CNTNAP2: variants seen among roughly 807,000 people sequenced by gnomAD.
CNTNAP2 encodes the protein contactin-associated protein-like 2.
CNTNAP2 carries 98 observed loss-of-function variants against 155.2 expected under a neutral mutation model. That is an observed-to-expected ratio of 0.63 (90% CI 0.54 to 0.75). The LOEUF is 0.75. CNTNAP2 is among the 30% of genes least tolerant of loss of function. The pLI is 0.00. For synonymous variants in CNTNAP2, 651 were observed against 631.2 expected, an observed-to-expected ratio of 1.03 and a Z score of -0.47; for missense variants, 1,727 against 1,688.1, an observed-to-expected ratio of 1.02 and a Z score of -0.40.
intron 15 of CNTNAP2, among the ~76,000 whole-genome samples, chr7:148,034,069 T>C (rs957412241): frequency 6.6e-6 from 1 of 152,150 alleles, no homozygotes; most frequent in Non-Finnish European, 1.5e-5. Context: ...AAGTGAGCAA[T>C]GCTGACATGC....
At chr7:147,051,937 C>A (rs554842061) in intron 4 of CNTNAP2, among the ~76,000 whole-genome samples, 1 of 152,076 alleles carries the variant, frequency 6.6e-6, no homozygotes, top group Non-Finnish European at 1.5e-5. Context: ...CACTGACTAC[C>A]TCTGTAGTCT....
chr7:148,102,989 A>C (rs934075705), intron 15 of CNTNAP2, among the ~76,000 whole-genome samples: 2 of 152,284 alleles, frequency 1.3e-5, no homozygotes, highest in African/African-American at 4.8e-5. Flanking sequence ...TAAGATATAC[A>C]TTGGTTCTGT....
At chr7:146,809,092 A>G (rs1443299967) in intron 2 of CNTNAP2, among the ~76,000 whole-genome samples, 1 of 152,332 alleles carries the variant, frequency 6.6e-6, no homozygotes, top group Middle Eastern at 3.4e-3. Context: ...CAGAAGTGTG[A>G]CTGCTGGATC....
intron 8 of CNTNAP2, among the ~76,000 whole-genome samples, chr7:147,207,940 A>T (rs1306440190): frequency 1.3e-5 from 2 of 152,158 alleles, no homozygotes; most frequent in Non-Finnish European, 2.9e-5. Context: ...TCTGTACTTC[A>T]TGAAATATCA....
At chr7:147,960,578 C>G (rs1427030444) in intron 14 of CNTNAP2, among the ~76,000 whole-genome samples, 1 of 152,154 alleles carries the variant, frequency 6.6e-6, no homozygotes, top group Admixed American at 6.5e-5. Flanking sequence ...GTGTCCTGTA[C>G]ATTGTAATTG....
At chr7:147,927,630 A>G (rs1040044579) in intron 14 of CNTNAP2, among the ~76,000 whole-genome samples, 1 of 152,230 alleles carries the variant, frequency 6.6e-6, no homozygotes, top group Non-Finnish European at 1.5e-5. Context: ...CTTGAGACAT[A>G]TGCAATATCT....
At chr7:147,252,658 A>G (rs1804224889) in intron 8 of CNTNAP2, among the ~76,000 whole-genome samples, 2 of 152,300 alleles carry the variant, frequency 1.3e-5, no homozygotes, top group South Asian at 4.1e-4. Context: ...GTGATATGAG[A>G]TGTGCTTTTC....
intron 8 of CNTNAP2, among the ~76,000 whole-genome samples, chr7:147,231,628 C>G (rs1297255576): frequency 6.6e-6 from 1 of 152,134 alleles, no homozygotes; most frequent in Non-Finnish European, 1.5e-5. Flanking sequence ...ACCATCCCAG[C>G]AAGTATGAGG....
intron 1 of CNTNAP2, among the ~76,000 whole-genome samples, chr7:146,616,754 C>A (rs959525839): frequency 6.6e-6 from 1 of 152,166 alleles, no homozygotes. Context: ...AACGCAGGCC[C>A]ATTCATTCAA....
At chr7:146,766,868 G>C (rs1304009358) in intron 1 of CNTNAP2, among the ~76,000 whole-genome samples, 1 of 152,028 alleles carries the variant, frequency 6.6e-6, no homozygotes, top group African/African-American at 2.4e-5. Flanking sequence ...ATAACACTGG[G>C]CTTTGTCTCA....
intron 9 of CNTNAP2, among the ~76,000 whole-genome samples, chr7:147,358,629 C>T (rs1400558724): frequency 6.6e-6 from 1 of 151,930 alleles, no homozygotes; most frequent in Non-Finnish European, 1.5e-5. Context: ...CAATTCCAGA[C>T]TTCAACCTTA....
At chr7:147,310,864 G>A (rs1179655572) in intron 9 of CNTNAP2, among the ~76,000 whole-genome samples, 1 of 152,162 alleles carries the variant, frequency 6.6e-6, no homozygotes. Flanking sequence ...TCCAAGTATA[G>A]GAAGGACAAG....
At chr7:148,244,958 T>C (rs186570209) in intron 20 of CNTNAP2, among the ~76,000 whole-genome samples, 16 of 152,328 alleles carry the variant, frequency 1.1e-4, no homozygotes, top group African/African-American at 3.4e-4. Context: ...AGTAATATGA[T>C]TTATAGATTT....
At chr7:146,795,890 A>C (rs540248849) in intron 2 of CNTNAP2, among the ~76,000 whole-genome samples, 36 of 152,302 alleles carry the variant, frequency 2.4e-4, no homozygotes, top group Non-Finnish European at 4.4e-4. Context: ...CCGAAAATGA[A>C]AACAACTTAA....
At chr7:146,657,924 A>C (rs555514590) in intron 1 of CNTNAP2, among the ~76,000 whole-genome samples, 215 of 152,300 alleles carry the variant, frequency 1.4e-3, no homozygotes, top group African/African-American at 4.7e-3. Flanking sequence ...CATCATTAAA[A>C]AAACCAATAA....
At chr7:147,326,145 C>T (rs532024187) in intron 9 of CNTNAP2, among the ~76,000 whole-genome samples, 44 of 152,260 alleles carry the variant, frequency 2.9e-4, no homozygotes, top group African/African-American at 8.7e-4. Flanking sequence ...AGGATGGTCT[C>T]GATCTCCTGA....
At chr7:147,691,450 A>C (rs1450618168) in intron 13 of CNTNAP2, among the ~76,000 whole-genome samples, 1 of 152,142 alleles carries the variant, frequency 6.6e-6, no homozygotes, top group Non-Finnish European at 1.5e-5. Context: ...GAGATAATAC[A>C]TGTTATTTGA....
At chr7:146,418,884 C>T (rs1360596490) in intron 1 of CNTNAP2, among the ~76,000 whole-genome samples, 5 of 152,042 alleles carry the variant, frequency 3.3e-5, no homozygotes, top group Non-Finnish European at 7.4e-5. Flanking sequence ...AGATGGCCAT[C>T]TACAAGCCAA....
intron 21 of CNTNAP2, among the ~76,000 whole-genome samples, chr7:148,278,052 T>C (rs2116855741): frequency 6.6e-6 from 1 of 152,302 alleles, no homozygotes; most frequent in East Asian, 1.9e-4. Flanking sequence ...CCTTTGGTCT[T>C]GTCACATCCA....
Sources: allele counts gnomAD v4.1 joint callset (sites outside exome capture counted in the v4.1 genomes callset), GRCh38; gene constraint gnomAD v4.1.1; transcripts MANE v1.5; gene names NCBI Gene and HGNC (gene_info 2026-07-23, HGNC 2026-07-21).